Variants in CFAP90 observed in about 807,000 individuals in gnomAD.
The protein encoded by CFAP90 is cilia and flagella associated protein 90, also known as cilia- and flagella-associated protein 90.
the CFAP90 span, chr5:7,835,550 T>C: frequency 6.5e-6 from 7 of 1,074,298 alleles, no homozygotes; most frequent in Admixed American, 1.9e-5. Flanking sequence ...GGCTGGGTCA[T>C]TGAGGCCCGA....
the CFAP90 span, among the ~76,000 whole-genome samples, chr5:7,837,988 A>T: frequency 3.9e-5 from 6 of 152,020 alleles, no homozygotes; most frequent in Non-Finnish European, 7.4e-5. Context: ...CTTCACTCTC[A>T]CTCAACTTCT....
At chr5:7,838,566 A>G in the CFAP90 span, among the ~76,000 whole-genome samples, 2 of 152,154 alleles carry the variant, frequency 1.3e-5, no homozygotes, top group African/African-American at 4.8e-5. Context: ...CTTTCCTTTG[A>G]GATTCAGAGA....
At chr5:7,835,593 G>A in the CFAP90 span, 7 of 708,964 alleles carry the variant, frequency 9.9e-6, no homozygotes, top group Non-Finnish European at 1.7e-5. Flanking sequence ...TCCCAAGGGA[G>A]GCTGGAGGTG....
the CFAP90 span, chr5:7,831,900 C>T: frequency 1.3e-5 from 21 of 1,613,896 alleles, no homozygotes; most frequent in African/African-American, 2.7e-5. Context: ...CTGGGGATGT[C>T]GTTCTTCCTG....
At chr5:7,831,766 G>T in the CFAP90 span, 1 of 1,350,812 alleles carries the variant, frequency 7.4e-7, no homozygotes, top group Non-Finnish European at 1.0e-6. Context: ...GAAGGGGAAA[G>T]GAGGCTCCAG....
the CFAP90 span, among the ~76,000 whole-genome samples, chr5:7,843,936 C>A: frequency 2.6e-5 from 4 of 151,968 alleles, no homozygotes; most frequent in Admixed American, 6.6e-5. Flanking sequence ...GACAAACATG[C>A]ACTCAATGAA....
At chr5:7,832,075 C>T in the CFAP90 span, 1 of 1,567,216 alleles carries the variant, frequency 6.4e-7, no homozygotes. Flanking sequence ...CTGCATTCGC[C>T]AGCACAGCTC....
the CFAP90 span, among the ~76,000 whole-genome samples, chr5:7,840,205 A>T: frequency 6.6e-6 from 1 of 152,194 alleles, no homozygotes; most frequent in South Asian, 2.1e-4. Flanking sequence ...TATTGTTAAA[A>T]TGTAGCATGG....
At chr5:7,842,044 G>C in the CFAP90 span, among the ~76,000 whole-genome samples, 1 of 152,082 alleles carries the variant, frequency 6.6e-6, no homozygotes, top group Non-Finnish European at 1.5e-5. Flanking sequence ...AACTAAGAGA[G>C]AAGAAATTTC....
At chr5:7,831,905 T>G in the CFAP90 span, 84 of 1,614,010 alleles carry the variant, frequency 5.2e-5, no homozygotes, top group Non-Finnish European at 6.9e-5. Context: ...GATGTCGTTC[T>G]TCCTGTAGAA....
chr5:7,832,175 A>C, the CFAP90 span: 1 of 741,244 alleles, frequency 1.3e-6, no homozygotes, highest in Non-Finnish European at 2.2e-6. Context: ...CGCTGAAGCC[A>C]GGGGCTTCAC....
At chr5:7,835,296 A>T in the CFAP90 span, 224 of 750,650 alleles carry the variant, frequency 3.0e-4, 8 homozygotes, top group South Asian at 3.9e-3. Flanking sequence ...GAAGCCTAAT[A>T]AAGTGAAGTG....
chr5:7,832,001 G>C, the CFAP90 span: 1 of 1,611,994 alleles, frequency 6.2e-7, no homozygotes, highest in South Asian at 1.1e-5. Context: ...GACAGAAGAC[G>C]TCAGCACTCC....
the CFAP90 span, among the ~76,000 whole-genome samples, chr5:7,843,841 A>T: frequency 6.6e-6 from 1 of 152,232 alleles, no homozygotes; most frequent in Non-Finnish European, 1.5e-5. Context: ...TTAAATGAAA[A>T]GGGCAAGCTG....
At chr5:7,850,264 C>T in the CFAP90 span, among the ~76,000 whole-genome samples, 1 of 152,000 alleles carries the variant, frequency 6.6e-6, no homozygotes, top group Non-Finnish European at 1.5e-5. Flanking sequence ...CCCTGCCGCG[C>T]CCCCTTCATC....
the CFAP90 span, chr5:7,850,890 G>A: frequency 3.7e-6 from 5 of 1,341,866 alleles, no homozygotes; most frequent in Non-Finnish European, 4.8e-6. Flanking sequence ...CCGGGCGGTA[G>A]TAGTAGCTGT....
the CFAP90 span, among the ~76,000 whole-genome samples, chr5:7,838,352 G>T: frequency 6.6e-6 from 1 of 152,144 alleles, no homozygotes. Context: ...TTTAAGACAT[G>T]ATAGAGAAAT....
chr5:7,848,078 C>G, the CFAP90 span, among the ~76,000 whole-genome samples: 1 of 152,214 alleles, frequency 6.6e-6, no homozygotes, highest in East Asian at 1.9e-4. Flanking sequence ...TAATCATAAG[C>G]TGATTGGCAG....
At chr5:7,841,155 G>T in the CFAP90 span, among the ~76,000 whole-genome samples, 1 of 151,802 alleles carries the variant, frequency 6.6e-6, no homozygotes, top group East Asian at 1.9e-4. Context: ...AAAAAACCCC[G>T]TTAAAAATTG....
Sources: allele counts gnomAD v4.1 joint callset (sites outside exome capture counted in the v4.1 genomes callset), GRCh38; gene constraint gnomAD v4.1.1; transcripts MANE v1.5; gene names NCBI Gene and HGNC (gene_info 2026-07-23, HGNC 2026-07-21).